Variants in NRXN1 observed in about 807,000 individuals in gnomAD.
NRXN1 encodes neurexin-1.
In NRXN1, 39 loss-of-function variants were observed where a neutral mutation model predicts 150.9. The observed-to-expected ratio is 0.26, with a 90% CI of 0.20 to 0.34. The LOEUF (loss-of-function observed/expected upper bound fraction) is 0.34, where lower values mean the gene tolerates loss of function less well. Among genes scored for constraint, NRXN1 ranks in the 10% least tolerant of loss-of-function variants. The pLI is 1.00. For missense variants in NRXN1, 1,815 were observed against 1,949.9 expected (o/e 0.93, Z 1.30); for synonymous variants, 924 against 757.0 (o/e 1.22, Z -3.62).
intron 21 of NRXN1, among the ~76,000 whole-genome samples, chr2:49,966,339 G>T (rs1676960609): frequency 6.6e-6 from 1 of 152,014 alleles, no homozygotes; most frequent in Non-Finnish European, 1.5e-5. Flanking sequence ...AAATGAGTTT[G>T]CCCTATAATT....
At chr2:50,161,208 A>G (rs775749589) in intron 18 of NRXN1, among the ~76,000 whole-genome samples, 2 of 152,204 alleles carry the variant, frequency 1.3e-5, no homozygotes, top group Non-Finnish European at 2.9e-5. Flanking sequence ...ATTTAACCTT[A>G]CAAAGAATAC....
rs549648431 is a variant in NRXN1 at position 50,979,202 on chromosome 2, A to G, written c.772+48300T>C. ...GTATGTAATTTAATTACAGAAAGTA[A>G]GCGATTTCCTCTGTGATATGAGAAA... On this transcript the variant is annotated intron_variant, in intron 2 of 22. Transcript: ENST00000401669. 3 of 506,150 alleles carry G rather than the reference A, an allele frequency of 5.9e-6. No homozygotes were observed. The East Asian group carries it at 1.6e-4, about 28-fold the overall frequency. 31.4% of individuals were successfully genotyped at this position (506,150 alleles called of 1,614,324 possible).
chr2:50,085,237 G>A (rs2152689601), intron 19 of NRXN1, among the ~76,000 whole-genome samples: 2 of 152,252 alleles, frequency 1.3e-5, no homozygotes, highest in South Asian at 4.1e-4. Flanking sequence ...TGACCTAGAA[G>A]TTTAAGGAGG....
At chr2:50,991,146 C>A (rs1207266366) in intron 2 of NRXN1, among the ~76,000 whole-genome samples, 1 of 151,894 alleles carries the variant, frequency 6.6e-6, no homozygotes. Flanking sequence ...TCTTTGTTGT[C>A]CTGAATAAGC....
At chr2:50,386,469 G>C (rs551691187) in intron 17 of NRXN1, among the ~76,000 whole-genome samples, 3 of 152,048 alleles carry the variant, frequency 2.0e-5, no homozygotes, top group African/African-American at 7.2e-5. Context: ...AGTAGGAATT[G>C]AGCGGTTGTC....
chr2:50,644,803 A>G (rs1275311816), intron 5 of NRXN1, among the ~76,000 whole-genome samples: 3 of 145,082 alleles, frequency 2.1e-5, no homozygotes, highest in Non-Finnish European at 4.5e-5. Flanking sequence ...AGAAATATAT[A>G]TATAATATAT....
At chr2:50,999,538 T>C (rs1217980477) in intron 2 of NRXN1, among the ~76,000 whole-genome samples, 1 of 152,070 alleles carries the variant, frequency 6.6e-6, no homozygotes, top group Non-Finnish European at 1.5e-5. Flanking sequence ...TGACATGTGA[T>C]GTCTCCCCCA....
chr2:50,821,287 G>C (rs1292183473), intron 5 of NRXN1, among the ~76,000 whole-genome samples: 2 of 151,994 alleles, frequency 1.3e-5, no homozygotes, highest in Admixed American at 6.5e-5. Flanking sequence ...AGATTTTTTT[G>C]CAACATTTTT....
chr2:50,268,532 T>C (rs992047702), intron 17 of NRXN1, among the ~76,000 whole-genome samples: 1 of 152,094 alleles, frequency 6.6e-6, no homozygotes, highest in Admixed American at 6.6e-5. Context: ...GGCTATGGAA[T>C]ATAATTGAGC....
At chr2:50,658,102 T>C (rs573756874) in intron 5 of NRXN1, among the ~76,000 whole-genome samples, 28 of 152,062 alleles carry the variant, frequency 1.8e-4, no homozygotes, top group South Asian at 4.1e-4. Flanking sequence ...CCATTATTTA[T>C]TTCCTTTGTT....
intron 22 of NRXN1, among the ~76,000 whole-genome samples, chr2:49,932,766 T>C (rs1346645531): frequency 6.6e-6 from 1 of 152,220 alleles, no homozygotes; most frequent in Admixed American, 6.5e-5. Flanking sequence ...TTATTTTTAC[T>C]ATTATTATAT....
chr2:50,441,959 T>C (rs1166385663), intron 17 of NRXN1, among the ~76,000 whole-genome samples: 4 of 152,190 alleles, frequency 2.6e-5, no homozygotes, highest in East Asian at 1.9e-4. Context: ...AGCACTGTTA[T>C]ATGTTTACAG....
chr2:50,928,701 C>A (rs58519896), intron 2 of NRXN1, among the ~76,000 whole-genome samples: 42,816 of 151,898 alleles, frequency 0.28, 6,793 homozygotes, highest in Non-Finnish European at 0.37. Context: ...TGGCATGCCA[C>A]GGTGTACAGG....
chr2:50,351,205 G>T (rs559693587), intron 17 of NRXN1, among the ~76,000 whole-genome samples: 1 of 152,278 alleles, frequency 6.6e-6, no homozygotes, highest in Admixed American at 6.5e-5. Context: ...ACTGGTTGGA[G>T]GAAACATGGT....
intron 21 of NRXN1, among the ~76,000 whole-genome samples, chr2:50,010,695 C>G (rs556803520): frequency 6.6e-6 from 1 of 152,172 alleles, no homozygotes; most frequent in East Asian, 1.9e-4. Context: ...TTACACAGCC[C>G]AGCTCCTCAA....
chr2:51,022,488 A>G (rs1309810347), intron 2 of NRXN1, among the ~76,000 whole-genome samples: 1 of 152,160 alleles, frequency 6.6e-6, no homozygotes, highest in African/African-American at 2.4e-5. Context: ...TGGAATAGTA[A>G]CTCAGTTTTT....
intron 17 of NRXN1, among the ~76,000 whole-genome samples, chr2:50,257,866 A>AT (rs1445559540): frequency 6.7e-6 from 1 of 149,616 alleles, no homozygotes; most frequent in Non-Finnish European, 1.5e-5. Context: ...AAAAATTTAA[A>AT]TTTTTTATTG....
At chr2:50,459,956 T>C (rs940880426) in intron 17 of NRXN1, among the ~76,000 whole-genome samples, 1 of 152,214 alleles carries the variant, frequency 6.6e-6, no homozygotes, top group Middle Eastern at 3.4e-3. Flanking sequence ...GGAAGTAACA[T>C]GATAAACACG....
intron 5 of NRXN1, among the ~76,000 whole-genome samples, chr2:50,814,965 A>G (rs1386917331): frequency 5.3e-5 from 8 of 152,182 alleles, no homozygotes; most frequent in Non-Finnish European, 1.2e-4. Flanking sequence ...GACATAGAAT[A>G]AGGAGCTATA....
Sources: allele counts gnomAD v4.1 joint callset (sites outside exome capture counted in the v4.1 genomes callset), GRCh38; gene constraint gnomAD v4.1.1; transcripts MANE v1.5; gene names NCBI Gene and HGNC (gene_info 2026-07-23, HGNC 2026-07-21).